The following CRY1 variants were observed in gnomAD, a reference collection of about 807,000 sequenced individuals.
CRY1 encodes cryptochrome circadian regulator 1.
Under a neutral mutation model 76.0 loss-of-function variants are expected in CRY1, and 45 were observed. The observed-to-expected ratio is 0.59, with a 90% CI of 0.47 to 0.76. The LOEUF (loss-of-function observed/expected upper bound fraction) is 0.76, where lower values mean the gene tolerates loss of function less well. CRY1 is among the 30% of genes least tolerant of loss of function. The probability of loss-of-function intolerance (pLI) is 0.00; values close to 1 mark genes in which losing one functional copy is unlikely to be tolerated. For missense variants in CRY1, 587 were observed against 716.4 expected (o/e 0.82, Z 2.06); for synonymous variants, 248 against 244.0 (o/e 1.02, Z -0.15).
At chr12:107,029,258 T>C (rs1952650539) in intron 1 of CRY1, among the ~76,000 whole-genome samples, 1 of 152,120 alleles carries the variant, frequency 6.6e-6, no homozygotes, top group Non-Finnish European at 1.5e-5. Context: ...TCTTCCATTC[T>C]TGGCTTCTCC....
At chr12:107,035,163 G>C (rs895516618) in intron 1 of CRY1, among the ~76,000 whole-genome samples, 2 of 152,124 alleles carry the variant, frequency 1.3e-5, no homozygotes, top group African/African-American at 4.8e-5. Flanking sequence ...CCTTCAAAAA[G>C]ATATTAATAA....
chr12:107,028,144 C>A (rs1952635636), intron 1 of CRY1, among the ~76,000 whole-genome samples: 1 of 151,966 alleles, frequency 6.6e-6, no homozygotes, highest in African/African-American at 2.4e-5. Context: ...GTAGAAAAAA[C>A]TAAAGTTCTG....
At position 106,998,121 on chromosome 12, in the gene CRY1, C is replaced by T. The variant is rs1952254794; in HGVS notation, c.1138-55G>A. The T allele has an allele frequency of 2.5e-6, 4 of 1,596,426 alleles. No homozygotes were observed. In the South Asian group the frequency reaches 4.5e-5, roughly 18 times the overall value. Reference sequence around the variant, plus strand: ...GCACACACATAATTCGCAAAGCAAGCATTTTCAAGGTCACAGTAGAGCCAA... The same window carrying T: ...GCACACACATAATTCGCAAAGCAAGTATTTTCAAGGTCACAGTAGAGCCAA... On this transcript the variant is annotated intron_variant, in intron 7 of 12. Transcript: ENST00000008527.
chr12:107,048,130 G>T (rs759734745), intron 1 of CRY1, among the ~76,000 whole-genome samples: 4 of 151,824 alleles, frequency 2.6e-5, no homozygotes, highest in Non-Finnish European at 2.9e-5. Flanking sequence ...GCCCAGGCTG[G>T]AGTGCAATGG....
At chr12:107,086,031 CA>C (rs1417111837) in intron 1 of CRY1, among the ~76,000 whole-genome samples, 2 of 151,716 alleles carry the variant, frequency 1.3e-5, no homozygotes, top group Admixed American at 1.3e-4. Flanking sequence ...AAAACTAAAA[CA>C]AAAAAATGGC....
At chr12:107,025,280 T>C (rs1308553970) in intron 1 of CRY1, among the ~76,000 whole-genome samples, 2 of 152,226 alleles carry the variant, frequency 1.3e-5, no homozygotes, top group East Asian at 1.9e-4. Context: ...ATACACTACA[T>C]ATGTATCTGG....
chr12:107,054,332 A>G (rs995444205), intron 1 of CRY1, among the ~76,000 whole-genome samples: 1 of 151,898 alleles, frequency 6.6e-6, no homozygotes, highest in African/African-American at 2.4e-5. Flanking sequence ...AGTAAACACT[A>G]AAAGAATAGC....
At chr12:107,092,276 T>G (rs144645993) in intron 1 of CRY1, among the ~76,000 whole-genome samples, 1 of 151,868 alleles carries the variant, frequency 6.6e-6, no homozygotes, top group African/African-American at 2.4e-5. Flanking sequence ...CAAGGAGGAG[T>G]TGAGAAAAAG....
chr12:107,031,102 C>T (rs1041421731), intron 1 of CRY1, among the ~76,000 whole-genome samples: 2 of 152,118 alleles, frequency 1.3e-5, no homozygotes, highest in African/African-American at 2.4e-5. Context: ...ACAGAAATAA[C>T]TAACAAACTG....
intron 1 of CRY1, among the ~76,000 whole-genome samples, chr12:107,081,619 A>G (rs1255223207): frequency 6.6e-6 from 1 of 152,070 alleles, no homozygotes; most frequent in Non-Finnish European, 1.5e-5. Context: ...ATGGATAGGG[A>G]CACAAAATAA....
At chr12:107,090,319 C>T (rs776544857) in intron 1 of CRY1, among the ~76,000 whole-genome samples, 33 of 152,142 alleles carry the variant, frequency 2.2e-4, no homozygotes, top group African/African-American at 3.4e-4. Context: ...TCTCAAACTC[C>T]GGGCCTCAAG....
chr12:107,004,103 C>T (rs553195692), intron 3 of CRY1, among the ~76,000 whole-genome samples: 8 of 152,222 alleles, frequency 5.3e-5, no homozygotes, highest in African/African-American at 1.9e-4. Flanking sequence ...TCGCGCCTAG[C>T]CTAAACAATT....
chr12:107,000,161 T>G, intron 5 of CRY1, 79 bp from the exon 6 acceptor site: 1 of 1,433,298 alleles, frequency 7.0e-7, no homozygotes, highest in African/African-American at 1.4e-5. Context: ...AGATTTTTTT[T>G]TTTAAAGTTA....
intron 2 of CRY1, among the ~76,000 whole-genome samples, chr12:107,015,488 C>A (rs186551784): frequency 6.6e-6 from 1 of 152,130 alleles, no homozygotes; most frequent in Admixed American, 6.5e-5. Context: ...GGACCACAGG[C>A]ATGCGCCACC....
chr12:107,065,604 A>G (rs1408993378), intron 1 of CRY1, among the ~76,000 whole-genome samples: 1 of 152,188 alleles, frequency 6.6e-6, no homozygotes, highest in Non-Finnish European at 1.5e-5. Context: ...TCAAAAAAAA[A>G]AGAGTAAAAA....
chr12:107,072,097 C>T (rs1170557473), intron 1 of CRY1, among the ~76,000 whole-genome samples: 3 of 152,140 alleles, frequency 2.0e-5, no homozygotes, highest in Admixed American at 2.0e-4. Context: ...TGTTAGAACC[C>T]AACTCCTTTT....
rs373661832 is a variant in CRY1 at position 107,040,448 on chromosome 12, G to C, written c.159-18256C>G. 2.2e-4 allele frequency among the ~76,000 whole-genome samples: 34 copies of C among 151,854 alleles called. No homozygotes were observed. In the East Asian group the frequency reaches 2.7e-3, roughly 12 times the overall value. ...CTACAGGTGTGCACCACCACACCTG[G>C]CTAATTTTTGTATATTTAGTAGAGA... is the stretch of plus-strand genomic sequence containing the variant. On this transcript the variant is annotated intron_variant, in intron 1 of 12. Coordinates refer to ENST00000008527, the MANE Select transcript of CRY1 (RefSeq NM_004075.5).
chr12:107,026,388 C>A (rs548212103), intron 1 of CRY1, among the ~76,000 whole-genome samples: 1 of 150,890 alleles, frequency 6.6e-6, no homozygotes, highest in South Asian at 2.1e-4. Flanking sequence ...TGTGCTACCA[C>A]CCTGGCTAAT....
At chr12:107,042,261 T>C (rs1565834428) in intron 1 of CRY1, among the ~76,000 whole-genome samples, 1 of 152,170 alleles carries the variant, frequency 6.6e-6, no homozygotes, top group African/African-American at 2.4e-5. Context: ...TCAGGCAAGA[T>C]CTACTGTTGA....
Sources: gnomAD v4.1 joint callset for allele counts (sites outside exome capture counted in the v4.1 genomes callset) on GRCh38, gnomAD v4.1.1 for gene constraint, MANE v1.5 for transcripts, NCBI Gene and HGNC (gene_info 2026-07-23, HGNC 2026-07-21) for gene names.